The following ARHGEF28 variants were observed in gnomAD, a reference collection of about 807,000 sequenced individuals.
The protein encoded by ARHGEF28 is Rho guanine nucleotide exchange factor 28.
ARHGEF28 carries 152 observed loss-of-function variants against 206.6 expected under a neutral mutation model. The observed-to-expected ratio is 0.74, with a 90% CI of 0.64 to 0.84. The LOEUF is 0.84. ARHGEF28 is among the 40% of genes least tolerant of loss of function. ARHGEF28 has a pLI of 0.00. For missense variants in ARHGEF28, 2,028 were observed against 2,073.2 expected, an observed-to-expected ratio of 0.98 and a Z score of 0.42; for synonymous variants, 763 against 776.4, an observed-to-expected ratio of 0.98 and a Z score of 0.29.
chr5:73,935,276 G>A (rs1007559595), intron 35 of ARHGEF28, among the ~76,000 whole-genome samples: 2 of 152,016 alleles, frequency 1.3e-5, no homozygotes, highest in African/African-American at 4.8e-5. Context: ...ACAAACACAT[G>A]CCCACCCCAC....
At chr5:73,939,266 A>G (rs2112064533) in intron 35 of ARHGEF28, among the ~76,000 whole-genome samples, 1 of 152,296 alleles carries the variant, frequency 6.6e-6, no homozygotes, top group African/African-American at 2.4e-5. Flanking sequence ...TGACGAATGT[A>G]AAAGACCTGG....
chr5:73,846,170 C>T, intron 11 of ARHGEF28, 98 bp from the exon 12 acceptor site: 1 of 1,128,676 alleles, frequency 8.9e-7, no homozygotes, highest in Non-Finnish European at 1.3e-6. Flanking sequence ...TGCACCCCCC[C>T]CGCCCCAGTG....
chr5:73,713,253 A>G (rs1749360721), intron 2 of ARHGEF28, among the ~76,000 whole-genome samples: 1 of 152,134 alleles, frequency 6.6e-6, no homozygotes, highest in Non-Finnish European at 1.5e-5. Flanking sequence ...TATATCCTCA[A>G]ATGCATGCAA....
At chr5:73,846,020 AAAG>A (rs1202048409) in intron 11 of ARHGEF28, among the ~76,000 whole-genome samples, 64 of 151,668 alleles carry the variant, frequency 4.2e-4, no homozygotes, top group African/African-American at 1.5e-3. Context: ...AGAAAGAAAG[AAAG>A]AAAATGAAAG....
At chr5:73,727,392 A>G (rs947327857) in intron 2 of ARHGEF28, among the ~76,000 whole-genome samples, 1 of 152,224 alleles carries the variant, frequency 6.6e-6, no homozygotes, top group Admixed American at 6.5e-5. Flanking sequence ...ATACATATCC[A>G]CTGTAAGTTT....
chr5:73,836,158 T>C (rs1171656997), intron 10 of ARHGEF28, among the ~76,000 whole-genome samples: 4 of 152,138 alleles, frequency 2.6e-5, no homozygotes, highest in Non-Finnish European at 5.9e-5. Flanking sequence ...CCTTTGGATA[T>C]ATACTCAGTG....
At chr5:73,857,583 ACACAT>A in intron 14 of ARHGEF28, 68 bp from the exon 15 acceptor site, 1 of 1,394,792 alleles carries the variant, frequency 7.2e-7, no homozygotes, top group Admixed American at 2.3e-5. Flanking sequence ...ACACACACAC[ACACAT>A]ACACACACAC....
intron 2 of ARHGEF28, among the ~76,000 whole-genome samples, chr5:73,745,871 A>T (rs1309635447): frequency 6.6e-6 from 1 of 152,140 alleles, no homozygotes; most frequent in Non-Finnish European, 1.5e-5. Flanking sequence ...GTGAAACAGA[A>T]GAGGGAAGAC....
At chr5:73,758,824 C>A (rs1752451352) in intron 4 of ARHGEF28, among the ~76,000 whole-genome samples, 1 of 152,066 alleles carries the variant, frequency 6.6e-6, no homozygotes, top group South Asian at 2.1e-4. Flanking sequence ...AAGTGCCAAA[C>A]CTGGTTTTGT....
intron 2 of ARHGEF28, among the ~76,000 whole-genome samples, chr5:73,729,911 G>A: frequency 6.6e-6 from 1 of 152,052 alleles, no homozygotes; most frequent in South Asian, 2.1e-4. Context: ...GCCTGAATTC[G>A]AGTCCCAGCT....
intron 13 of ARHGEF28, among the ~76,000 whole-genome samples, chr5:73,849,551 T>C (rs142707600): frequency 1.3e-5 from 2 of 152,232 alleles, no homozygotes; most frequent in East Asian, 3.9e-4. Context: ...AATAACATAT[T>C]TGTAACATGA....
In ARHGEF28 at chr5:73,795,328, C is replaced by T. The variant is rs1414241330; in HGVS notation, c.964-3C>T. ...AAAATCCACCTGACTTTATCTCTTCCAGCGTGTCAAAAGCCTGGTGGTTCA... is the reference window on the plus strand; with the variant it reads ...AAAATCCACCTGACTTTATCTCTTCTAGCGTGTCAAAAGCCTGGTGGTTCA... On this transcript the variant is annotated splice_polypyrimidine_tract_variant and splice_region_variant and intron_variant, in intron 8 of 35. Coordinates refer to ENST00000513042, the MANE Select transcript of ARHGEF28 (RefSeq NM_001177693.2). The T allele has an allele frequency of 6.2e-7, 1 of 1,613,326 alleles. No individual in the cohort carries two copies. Among genetic ancestry groups the T allele is most frequent in the Non-Finnish European group, 8.5e-7 (1 of 1,179,654 alleles).
At chr5:73,753,258 A>G (rs1752119769) in intron 4 of ARHGEF28, 56 bp downstream of exon 4, 2 of 1,484,044 alleles carry the variant, frequency 1.3e-6, no homozygotes, top group Non-Finnish European at 1.8e-6. Flanking sequence ...TTCAGAATGT[A>G]CCTTATGCTA....
intron 2 of ARHGEF28, among the ~76,000 whole-genome samples, chr5:73,743,053 T>C (rs1299934103): frequency 6.6e-6 from 1 of 152,184 alleles, no homozygotes; most frequent in Admixed American, 6.5e-5. Flanking sequence ...TTAATTATAT[T>C]TATTCACATA....
chr5:73,797,772 A>G (rs1754906496), intron 9 of ARHGEF28, among the ~76,000 whole-genome samples: 1 of 152,248 alleles, frequency 6.6e-6, no homozygotes, highest in Non-Finnish European at 1.5e-5. Context: ...ATAAATGCTG[A>G]TAAATAGATA....
At chr5:73,893,014 T>A (rs1375318139) in intron 27 of ARHGEF28, among the ~76,000 whole-genome samples, 183 bp from the exon 28 acceptor site, 1 of 152,212 alleles carries the variant, frequency 6.6e-6, no homozygotes, top group Admixed American at 6.5e-5. Flanking sequence ...TGTAATGTTA[T>A]GCAAGATTCT....
intron 2 of ARHGEF28, among the ~76,000 whole-genome samples, chr5:73,734,927 T>G (rs1346870678): frequency 6.6e-6 from 1 of 152,172 alleles, no homozygotes; most frequent in Non-Finnish European, 1.5e-5. Context: ...TTTCTCTGAA[T>G]CCTGTTTCCA....
intron 4 of ARHGEF28, among the ~76,000 whole-genome samples, chr5:73,772,893 A>G (rs1053363874): frequency 1.3e-5 from 2 of 152,248 alleles, no homozygotes; most frequent in Non-Finnish European, 1.5e-5. Context: ...CTCCTGGAAT[A>G]GTAAAATTGT....
chr5:73,776,731 A>G, intron 6 of ARHGEF28, 35 bp downstream of exon 6: 1 of 1,550,340 alleles, frequency 6.5e-7, no homozygotes, highest in South Asian at 1.2e-5. Flanking sequence ...GTGATAATGC[A>G]TGCTTCAGAG....
Sources: allele counts gnomAD v4.1 joint callset (sites outside exome capture counted in the v4.1 genomes callset), GRCh38; gene constraint gnomAD v4.1.1; transcripts MANE v1.5; gene names NCBI Gene and HGNC (gene_info 2026-07-23, HGNC 2026-07-21).